GFRA2: variants seen among roughly 807,000 people sequenced by gnomAD.
GFRA2 encodes GDNF family receptor alpha 2.
In GFRA2, 17 loss-of-function variants were observed where a neutral mutation model predicts 48.3. The ratio of observed to expected loss-of-function variants is 0.35; its 90% CI spans 0.24 to 0.53. The LOEUF (loss-of-function observed/expected upper bound fraction) is 0.53. Among genes scored for constraint, GFRA2 ranks in the 20% least tolerant of loss-of-function variants. GFRA2 has a pLI of 0.93. For synonymous variants in GFRA2, 305 were observed against 257.2 expected (o/e 1.19, Z -1.78); for missense variants, 660 against 637.3 (o/e 1.04, Z -0.38).
In GFRA2 at chr8:21,788,378, A is replaced by C; in HGVS notation, c.-219T>G. 1 of 1,337,510 alleles carries C rather than the reference A, an allele frequency of 7.5e-7. No individual in the cohort carries two copies. The highest frequency in any genetic ancestry group is 9.5e-7 in the Non-Finnish European group (1 of 1,049,366). The allele number at this position is 1,337,510 out of a possible 1,614,324, so 82.9% of individuals were successfully genotyped here. ...GCGGGCGATGGGCTGCTGCCTCTCG[A>C]CGCCCCCCTTGCCCGCTACAATCAA... On this transcript the variant is annotated 5_prime_UTR_variant, in exon 1 of 9. Transcript: ENST00000524240.
In GFRA2 at chr8:21,711,474, G is replaced by A. The variant is rs932537853; in HGVS notation, c.795-5433C>T. On this transcript the variant is annotated intron_variant, in intron 4 of 8. Transcript: ENST00000524240. ...TGGAAAACACAAACCCTCTCTGGGC[G>A]TGTTTCCTTGGCAGCTGTAGCCTGT... 3.1e-4 allele frequency among the ~76,000 whole-genome samples: 47 copies of A among 152,268 alleles called. 2 individuals are homozygous for A. The highest frequency in any genetic ancestry group is 1.6e-3 in the Admixed American group (24 of 15,302).
At chr8:21,726,393 G>C (rs903025325) in intron 4 of GFRA2, among the ~76,000 whole-genome samples, 1 of 152,178 alleles carries the variant, frequency 6.6e-6, no homozygotes, top group Non-Finnish European at 1.5e-5. Flanking sequence ...GGGAGACCCC[G>C]CCTCACTAGC....
At position 21,693,298 on chromosome 8, in the gene GFRA2, T is replaced by A; in HGVS notation, c.1375A>T (p.Met459Leu). The change falls in exon 9 of 9, where the codon ATG becomes TTG. Residue 459 changes from methionine to leucine, a missense_variant. Transcript: ENST00000524240. Reference protein sequence around the residue: ...SAALTVLSVLMLKLAL With the variant: ...SAALTVLSVLLLKLAL ...ACAGCCTACAAGGCCAGTTTCAGCA[T>A]CAGGACAGACAGCACGGTCAAGGCA... 1.2e-6 allele frequency: 2 copies of A among 1,613,002 alleles called. No homozygotes were observed. Among genetic ancestry groups the A allele is most frequent in the South Asian group, 1.1e-5 (1 of 90,944 alleles).
intron 2 of GFRA2, chr8:21,780,938 A>AT (rs1806953413): frequency 6.6e-6 from 1 of 151,996 alleles, no homozygotes; most frequent in Admixed American, 6.6e-5. Context: ...CCTGTGCAAC[A>AT]TAACGAGACC....
At chr8:21,706,263 G>C in intron 4 of GFRA2, 1 of 654,172 alleles carries the variant, frequency 1.5e-6, no homozygotes, top group Admixed American at 2.1e-5. Flanking sequence ...CACATAGTGC[G>C]GCTTAAGAAA....
rs199623540 is a variant in GFRA2 at position 21,750,757 on chromosome 8, C to T, written c.625G>A (p.Asp209Asn). ...KCHKALRQFF[D>N]RVPSEYTYRM... ...TAGGTGTACTCGCTGGGCACCCGGT[C>T]GAAGAACTGGCGCAGGGCCTTGTGG... Residue 209 changes from aspartate (D) to asparagine (N), a missense_variant, in exon 4 of 9, where the codon GAC becomes AAC. Asp to Asn is a conservative substitution (Grantham distance 23). Coordinates refer to ENST00000524240, the MANE Select transcript of GFRA2 (RefSeq NM_001495.5). This position sits in a 1 kb window ranked among gnomAD's most constrained non-coding sequence, Gnocchi z 5.7. The T allele has an allele frequency of 3.2e-5, 52 of 1,613,952 alleles. No individual in the cohort carries two copies. Among genetic ancestry groups the T allele is most frequent in the Admixed American group, 6.7e-5 (4 of 60,016 alleles).
chr8:21,788,745 C>A lies in GFRA2; in HGVS notation c.-586G>T, dbSNP rs1807413641. 3.0e-6 allele frequency: 3 copies of A among 985,446 alleles called. No individual in the cohort carries two copies. Among genetic ancestry groups the A allele is most frequent in the Admixed American group, 6.1e-5 (1 of 16,272 alleles). The allele number at this position is 985,446 out of a possible 1,614,324, so 61.0% of individuals were successfully genotyped here. A position where few individuals can be genotyped will look rare whatever the true frequency, so the allele number is the denominator to read the frequency against. Reference sequence around the variant, plus strand: ...TTCAAAAAAATCTTCTCCCGCTAACCCTTGCTCGGCTCACTTTTTTCTAAT... The same window carrying A: ...TTCAAAAAAATCTTCTCCCGCTAACACTTGCTCGGCTCACTTTTTTCTAAT... On this transcript the variant is annotated 5_prime_UTR_variant, in exon 1 of 9. Coordinates refer to ENST00000524240, the MANE Select transcript of GFRA2 (RefSeq NM_001495.5).
rs534152495 is a variant in GFRA2, at chr8:21,805,903, C to T, written c.-147-775G>A. 3.9e-5 allele frequency among the ~76,000 whole-genome samples: 6 copies of T among 152,334 alleles called. No individual in the cohort carries two copies. In the East Asian group the frequency reaches 9.6e-4, roughly 24 times the overall value. ...CAACAGCAAATAACCACAGAAGGGCCGGCCAAGCCCCAGTGGCTGCAGGGC... is the reference window on the plus strand; with the variant it reads ...CAACAGCAAATAACCACAGAAGGGCTGGCCAAGCCCCAGTGGCTGCAGGGC... On this transcript the variant is annotated intron_variant, in intron 1 of 10. Transcript: ENST00000517328.
chr8:21,759,522 GA>G (rs1805785917), intron 3 of GFRA2, among the ~76,000 whole-genome samples: 1 of 148,524 alleles, frequency 6.7e-6, no homozygotes, highest in African/African-American at 2.5e-5. Context: ...AGGAAGGAAG[GA>G]AGGAAGGAAG....
chr8:21,790,932 G>A (rs1807561583), upstream of GFRA2, among the ~76,000 whole-genome samples: 1 of 152,172 alleles, frequency 6.6e-6, no homozygotes, highest in Non-Finnish European at 1.5e-5. Flanking sequence ...GGAGGCCCGA[G>A]GCTGGGAGCC....
At chr8:21,798,477 C>T (rs1323703819) in intron 2 of GFRA2, among the ~76,000 whole-genome samples, 2 of 152,322 alleles carry the variant, frequency 1.3e-5, no homozygotes, top group Non-Finnish European at 2.9e-5. Context: ...ATCCAGTTCA[C>T]CTCATGGAAT....
Position 21,753,123 on chromosome 8 carries a change from C to T in GFRA2, c.440-2181G>A, listed in dbSNP as rs144280151. Reference sequence around the variant, plus strand: ...CCCCCCTTGGATTCCCCAGCTCATTCGGGGGCTTCAGCATGACCTACACAC... The same window carrying T: ...CCCCCCTTGGATTCCCCAGCTCATTTGGGGGCTTCAGCATGACCTACACAC... On this transcript the variant is annotated intron_variant, in intron 3 of 8. Coordinates refer to ENST00000524240, the MANE Select transcript of GFRA2 (RefSeq NM_001495.5). Among the ~76,000 whole-genome samples the T allele has an allele frequency of 3.9e-3, 600 of 152,148 alleles. 1 individual carries two copies. Among genetic ancestry groups the T allele is most frequent in the Non-Finnish European group, 6.7e-3 (457 of 68,004 alleles).
intron 1 of GFRA2, among the ~76,000 whole-genome samples, chr8:21,807,350 A>G (rs1807891252): frequency 6.6e-6 from 1 of 152,160 alleles, no homozygotes; most frequent in African/African-American, 2.4e-5. Context: ...ATGACACAGC[A>G]TGAAAGCCCT....
chr8:21,703,954 C>T (rs1802611880), intron 6 of GFRA2, among the ~76,000 whole-genome samples: 1 of 152,270 alleles, frequency 6.6e-6, no homozygotes, highest in South Asian at 2.1e-4. Context: ...CACACCCTTG[C>T]TGACATTCCT....
intron 6 of GFRA2, among the ~76,000 whole-genome samples, chr8:21,703,816 C>G (rs1186677834): frequency 2.0e-5 from 3 of 152,212 alleles, no homozygotes. Flanking sequence ...CTGTGTGCCC[C>G]TGTGAGCAGC....
chr8:21,760,918 A>AC (rs1052760520), intron 3 of GFRA2, among the ~76,000 whole-genome samples: 72 of 151,900 alleles, frequency 4.7e-4, no homozygotes, highest in Admixed American at 1.0e-3. Flanking sequence ...GTCAACTGAC[A>AC]CCCCCCCAAA....
intron 2 of GFRA2, among the ~76,000 whole-genome samples, chr8:21,803,003 G>C (rs1585353627): frequency 6.6e-6 from 1 of 152,162 alleles, no homozygotes; most frequent in Non-Finnish European, 1.5e-5. Flanking sequence ...ACAAAAATAG[G>C]TTGTATTAGC....
At chr8:21,767,070 C>T (rs1394291595) in intron 3 of GFRA2, among the ~76,000 whole-genome samples, 2 of 150,932 alleles carry the variant, frequency 1.3e-5, no homozygotes, top group African/African-American at 4.9e-5. Context: ...CACAGGCACC[C>T]CATACACTAT....
At position 21,718,765 on chromosome 8, in the gene GFRA2, AAGGAAATAGAGCCCTAG is replaced by A. The variant is rs1803455684; in HGVS notation, c.795-12741_795-12725del. On this transcript the variant is annotated intron_variant, in intron 4 of 8. Coordinates refer to ENST00000524240, the MANE Select transcript of GFRA2 (RefSeq NM_001495.5). ...ATTGGAATCATTGCTCCATTTTGCT[AAGGAAATAGAGCCCTAG>A]AGAGGTTAATTAACTCACAACACAG... 2.0e-5 allele frequency among the ~76,000 whole-genome samples: 3 copies of A among 152,184 alleles called. No individual in the cohort carries two copies. The South Asian group carries it at 6.2e-4, about 32-fold the overall frequency.
Sources: gnomAD v4.1 joint callset for allele counts (sites outside exome capture counted in the v4.1 genomes callset) on GRCh38, gnomAD v4.1.1 for gene constraint, Gnocchi (gnomAD v3.1) non-coding constraint, MANE v1.5 for transcripts, NCBI Gene and HGNC (gene_info 2026-07-23, HGNC 2026-07-21) for gene names.